RSRC1: variants seen among roughly 807,000 people sequenced by gnomAD.
RSRC1 encodes arginine and serine rich coiled-coil 1.
A neutral mutation model predicts 49.1 loss-of-function variants in RSRC1; 39 were observed. That is an observed-to-expected ratio of 0.79 (90% CI 0.61 to 1.04). The LOEUF (loss-of-function observed/expected upper bound fraction) is 1.04. Among genes scored for constraint, RSRC1 ranks in the 50% least tolerant of loss-of-function variants. RSRC1 has a pLI of 0.00. For missense variants in RSRC1, 388 were observed against 402.4 expected, an observed-to-expected ratio of 0.96 and a Z score of 0.31; for synonymous variants, 143 against 130.8, an observed-to-expected ratio of 1.09 and a Z score of -0.63.
At chr3:158,162,262 A>C (rs2108226793) in intron 3 of RSRC1, among the ~76,000 whole-genome samples, 1 of 152,302 alleles carries the variant, frequency 6.6e-6, no homozygotes, top group African/African-American at 2.4e-5. Context: ...AAATACCTGG[A>C]GACTAAATGA....
chr3:158,462,925 A>G (rs1737690494), intron 7 of RSRC1, among the ~76,000 whole-genome samples: 1 of 152,004 alleles, frequency 6.6e-6, no homozygotes, highest in African/African-American at 2.4e-5. Context: ...TAGCATCTTT[A>G]AAAATCTAGC....
intron 5 of RSRC1, among the ~76,000 whole-genome samples, chr3:158,308,258 G>T (rs1050079660): frequency 2.0e-5 from 3 of 151,936 alleles, no homozygotes; most frequent in Admixed American, 6.6e-5. Context: ...CCAGTGGTTT[G>T]TACGCAATTT....
At chr3:158,415,317 A>G (rs962961901) in intron 6 of RSRC1, among the ~76,000 whole-genome samples, 3 of 152,042 alleles carry the variant, frequency 2.0e-5, no homozygotes, top group Admixed American at 1.3e-4. Context: ...ATCCAGCTTT[A>G]AAGATTCTAC....
chr3:158,230,778 G>A (rs1018125926), intron 4 of RSRC1, among the ~76,000 whole-genome samples: 7 of 151,594 alleles, frequency 4.6e-5, no homozygotes, highest in Non-Finnish European at 7.4e-5. Flanking sequence ...TTTTATTACC[G>A]CTCTTCCATA....
chr3:158,126,583 A>C, intron 3 of RSRC1, among the ~76,000 whole-genome samples: 2 of 152,192 alleles, frequency 1.3e-5, no homozygotes, highest in Admixed American at 1.3e-4. Flanking sequence ...TCATCTTTTC[A>C]ATTCTATATC....
At chr3:158,158,427 T>G (rs1213733934) in intron 3 of RSRC1, among the ~76,000 whole-genome samples, 1 of 152,232 alleles carries the variant, frequency 6.6e-6, no homozygotes, top group Non-Finnish European at 1.5e-5. Context: ...AATTATATAT[T>G]TTTAAAAATC....
At chr3:158,493,387 A>G (rs559851863) in intron 7 of RSRC1, among the ~76,000 whole-genome samples, 1 of 152,206 alleles carries the variant, frequency 6.6e-6, no homozygotes, top group East Asian at 1.9e-4. Context: ...GAAAGGGGAG[A>G]CTGGGTAGAG....
chr3:158,198,138 A>C lies in RSRC1; in HGVS notation c.321-4934A>C, dbSNP rs565892223. Among the ~76,000 whole-genome samples the C allele has an allele frequency of 1.2e-4, 18 of 152,080 alleles. No individual in the cohort carries two copies. The East Asian group carries it at 3.5e-3, about 29-fold the overall frequency. The stretch of plus-strand genomic sequence containing the variant: ...TGTGTGGGAGTCTAAGTCTCTTTGT[A>C]AGTCTCTGAGGACTTGCTTTATGAA... On this transcript the variant is annotated intron_variant, in intron 3 of 9. Transcript: ENST00000611884.
chr3:158,426,304 A>G (rs912087569), intron 6 of RSRC1, among the ~76,000 whole-genome samples: 25 of 151,752 alleles, frequency 1.6e-4, no homozygotes, highest in Non-Finnish European at 3.7e-4. Flanking sequence ...GTTTCAATGT[A>G]TATAACTGAC....
In RSRC1 at chr3:158,261,739, C is replaced by T. The variant is rs529002748; in HGVS notation, c.495-36300C>T. Among the ~76,000 whole-genome samples, 3 of 152,314 alleles carry T rather than the reference C, an allele frequency of 2.0e-5. No individual in the cohort carries two copies. The South Asian group carries it at 6.2e-4, about 32-fold the overall frequency. On this transcript the variant is annotated intron_variant, in intron 4 of 9. Transcript: ENST00000611884. ...CTATGCATGTGAAGGATCTAGGTTG[C>T]ATGCTCCTATGAGAATCTAATGCCT...
At chr3:158,348,343 CTT>C (rs1408599065) in intron 5 of RSRC1, among the ~76,000 whole-genome samples, 1 of 152,110 alleles carries the variant, frequency 6.6e-6, no homozygotes, top group African/African-American at 2.4e-5. Context: ...AGGCTTCTCT[CTT>C]ATCATTAATA....
chr3:158,235,741 TG>T (rs1166395758), intron 4 of RSRC1, among the ~76,000 whole-genome samples: 1 of 152,240 alleles, frequency 6.6e-6, no homozygotes, highest in African/African-American at 2.4e-5. Context: ...ATGTATAAAA[TG>T]GTTTTTAAAA....
intron 6 of RSRC1, among the ~76,000 whole-genome samples, chr3:158,438,555 A>G (rs1321583998): frequency 1.3e-5 from 2 of 152,218 alleles, no homozygotes; most frequent in South Asian, 2.1e-4. Flanking sequence ...CCTGACAAAA[A>G]CAAGCAATGG....
At chr3:158,520,478 T>G (rs764792497) in intron 7 of RSRC1, among the ~76,000 whole-genome samples, 1 of 152,164 alleles carries the variant, frequency 6.6e-6, no homozygotes, top group Non-Finnish European at 1.5e-5. Context: ...CTTTGAGAAA[T>G]GGGCAGCAAA....
chr3:158,503,286 G>T (rs1286864604), intron 7 of RSRC1, among the ~76,000 whole-genome samples: 2 of 152,114 alleles, frequency 1.3e-5, no homozygotes, highest in African/African-American at 4.8e-5. Context: ...TTCCAGTGGA[G>T]GTATTGGGGG....
intron 4 of RSRC1, among the ~76,000 whole-genome samples, chr3:158,249,317 C>T (rs1724076622): frequency 6.6e-6 from 1 of 152,170 alleles, no homozygotes; most frequent in Non-Finnish European, 1.5e-5. Context: ...CACTTATTGT[C>T]ACTGCAGACT....
chr3:158,326,990 G>C (rs143050789), intron 5 of RSRC1, among the ~76,000 whole-genome samples: 179 of 152,102 alleles, frequency 1.2e-3, no homozygotes, highest in African/African-American at 4.1e-3. Context: ...TTATCCATTT[G>C]TTCTAGATTT....
At chr3:158,425,959 T>A (rs1425256799) in intron 6 of RSRC1, among the ~76,000 whole-genome samples, 1 of 151,716 alleles carries the variant, frequency 6.6e-6, no homozygotes, top group African/African-American at 2.4e-5. Flanking sequence ...GTGTCATCAA[T>A]AGGAAGCAAT....
intron 3 of RSRC1, among the ~76,000 whole-genome samples, chr3:158,142,148 T>A (rs1194360791): frequency 6.6e-6 from 1 of 152,226 alleles, no homozygotes; most frequent in African/African-American, 2.4e-5. Flanking sequence ...TGAGGATTTT[T>A]AAGAACTTAA....
Sources: gnomAD v4.1 joint callset for allele counts (sites outside exome capture counted in the v4.1 genomes callset) on GRCh38, gnomAD v4.1.1 for gene constraint, MANE v1.5 for transcripts, NCBI Gene and HGNC (gene_info 2026-07-23, HGNC 2026-07-21) for gene names.